KCNMA1: variants seen among roughly 807,000 people sequenced by gnomAD.
KCNMA1 encodes the protein potassium calcium-activated channel subfamily M alpha 1, also known as Calcium-activated potassium channel subunit alpha-1.
KCNMA1 carries 29 observed loss-of-function variants against 140.0 expected under a neutral mutation model. That is an observed-to-expected ratio of 0.21 (90% CI 0.15 to 0.28). The LOEUF is 0.28. Ranked by LOEUF, KCNMA1 falls within the 10% of genes least tolerant of loss-of-function variation. KCNMA1 has a pLI of 1.00. For synonymous variants in KCNMA1, 612 were observed against 611.9 expected, an observed-to-expected ratio of 1.00 and a Z score of 0.00; for missense variants, 880 against 1,602.2, an observed-to-expected ratio of 0.55 and a Z score of 7.70.
At chr10:77,475,377 T>C (rs987161374) in intron 1 of KCNMA1, among the ~76,000 whole-genome samples, 6 of 152,292 alleles carry the variant, frequency 3.9e-5, no homozygotes, top group African/African-American at 7.2e-5. Context: ...GCCACATTAC[T>C]ATACAGTCCT....
intron 1 of KCNMA1, among the ~76,000 whole-genome samples, chr10:77,449,204 T>TA (rs2097582497): frequency 1.3e-5 from 2 of 151,826 alleles, no homozygotes; most frequent in Admixed American, 1.3e-4. Flanking sequence ...TTATATTAAA[T>TA]AAAAAAGCTG....
intron 3 of KCNMA1, among the ~76,000 whole-genome samples, chr10:77,205,662 T>G (rs930421660): frequency 6.6e-6 from 1 of 152,226 alleles, no homozygotes; most frequent in Admixed American, 6.5e-5. Context: ...ATGATGAAGA[T>G]TCCATTAGGA....
intron 1 of KCNMA1, among the ~76,000 whole-genome samples, chr10:77,463,588 T>C (rs2097919460): frequency 6.6e-6 from 1 of 152,168 alleles, no homozygotes; most frequent in South Asian, 2.1e-4. Context: ...AGGTTAGCAC[T>C]CAGGGTGGTT....
chr10:76,979,095 G>T (rs2153224980), intron 19 of KCNMA1, among the ~76,000 whole-genome samples: 1 of 152,252 alleles, frequency 6.6e-6, no homozygotes, highest in Admixed American at 6.5e-5. Context: ...TTTCTCAAAG[G>T]TGTTTGAGGT....
intron 1 of KCNMA1, among the ~76,000 whole-genome samples, chr10:77,416,799 C>T (rs567857656): frequency 1.3e-5 from 2 of 152,322 alleles, no homozygotes; most frequent in Admixed American, 1.3e-4. Flanking sequence ...ACACGGTGAG[C>T]ATTTCACAGT....
intron 2 of KCNMA1, among the ~76,000 whole-genome samples, chr10:77,310,093 G>A (rs370488927): frequency 3.9e-5 from 6 of 152,268 alleles, no homozygotes; most frequent in African/African-American, 1.4e-4. Context: ...AGGCATGGGG[G>A]GACATGAGTG....
rs1462137833 is a variant in KCNMA1, at chr10:76,944,797, C to T, written c.2878G>A (p.Gly960Arg). Reference sequence around the variant, plus strand: ...CCTTGGGAATTAGCCTGCAAGACTCCGATGCTGTCATCAAACTGCATAGAT... The same window carrying T: ...CCTTGGGAATTAGCCTGCAAGACTCTGATGCTGTCATCAAACTGCATAGAT... ...IKSMQFDDSI[G>R]VLQANSQGFT... is the part of the protein sequence containing the mutation. The change falls in exon 23 of 28, where the codon GGA becomes AGA. Residue 960 changes from glycine (G) to arginine (R), a missense_variant. By Grantham distance (125) the Gly-to-Arg change is moderately radical. Coordinates refer to ENST00000286628, the MANE Select transcript of KCNMA1 (RefSeq NM_001161352.2). 2 of 1,614,092 alleles carry T rather than the reference C, an allele frequency of 1.2e-6. No individual in the cohort carries two copies. The highest frequency in any genetic ancestry group is 8.5e-7 in the Non-Finnish European group (1 of 1,180,010).
chr10:77,055,073 A>G (rs1047309673), intron 14 of KCNMA1, among the ~76,000 whole-genome samples: 2 of 152,214 alleles, frequency 1.3e-5, no homozygotes, highest in African/African-American at 2.4e-5. Flanking sequence ...CTGGCTGTAC[A>G]GGGCAAACAT....
intron 1 of KCNMA1, among the ~76,000 whole-genome samples, chr10:77,584,812 G>C (rs1344651817): frequency 6.6e-6 from 1 of 152,202 alleles, no homozygotes; most frequent in Non-Finnish European, 1.5e-5. Context: ...GTCTGACCCA[G>C]TCTTCCAGAC....
chr10:77,327,795 G>A (rs1404187943), intron 2 of KCNMA1, among the ~76,000 whole-genome samples: 4 of 148,970 alleles, frequency 2.7e-5, no homozygotes, highest in South Asian at 2.1e-4. Context: ...AAAAAAAAAA[G>A]TTTCAAGACA....
chr10:77,545,706 C>T (rs1328863633), intron 1 of KCNMA1, among the ~76,000 whole-genome samples: 1 of 152,216 alleles, frequency 6.6e-6, no homozygotes, highest in Non-Finnish European at 1.5e-5. Context: ...AAATATTCTG[C>T]TCCCTTGGTT....
At chr10:77,094,982 G>A (rs753235193) in intron 9 of KCNMA1, among the ~76,000 whole-genome samples, 3 of 152,108 alleles carry the variant, frequency 2.0e-5, no homozygotes, top group Non-Finnish European at 2.9e-5. Flanking sequence ...TTACAGGCAT[G>A]AGCCACCGCG....
chr10:77,126,729 C>CA (rs2097747544), intron 5 of KCNMA1, among the ~76,000 whole-genome samples: 1 of 140,066 alleles, frequency 7.1e-6, no homozygotes, highest in Non-Finnish European at 1.6e-5. Flanking sequence ...CCCCCCACCC[C>CA]CCCCCCACCA....
chr10:77,414,331 G>C (rs1048876869), intron 1 of KCNMA1, among the ~76,000 whole-genome samples: 1 of 152,100 alleles, frequency 6.6e-6, no homozygotes, highest in Non-Finnish European at 1.5e-5. Flanking sequence ...TCAGAGCCAG[G>C]TTCAAAGCTG....
chr10:76,893,171 G>A (rs541328623), intron 25 of KCNMA1, among the ~76,000 whole-genome samples: 14 of 152,152 alleles, frequency 9.2e-5, no homozygotes, highest in South Asian at 6.2e-4. Context: ...TTGTGCCTCC[G>A]TTTCATGATC....
intron 23 of KCNMA1, among the ~76,000 whole-genome samples, chr10:76,934,174 G>A (rs1040939293): frequency 1.3e-5 from 2 of 152,150 alleles, no homozygotes; most frequent in African/African-American, 4.8e-5. Context: ...GTTTCACCAT[G>A]TTAGCCAGGC....
intron 1 of KCNMA1, among the ~76,000 whole-genome samples, chr10:77,625,538 A>C (rs2092371165): frequency 6.6e-6 from 1 of 152,138 alleles, no homozygotes; most frequent in South Asian, 2.1e-4. Flanking sequence ...CTGGCCCTGG[A>C]AACTACCCTT....
chr10:77,284,465 C>T (rs147950864), intron 2 of KCNMA1, among the ~76,000 whole-genome samples: 2 of 152,178 alleles, frequency 1.3e-5, no homozygotes, highest in East Asian at 1.9e-4. Context: ...GACAGGCTTG[C>T]CCTGGTTTTA....
intron 29 of KCNMA1, among the ~76,000 whole-genome samples, chr10:76,879,686 AG>A (rs2033798843): frequency 6.6e-6 from 1 of 152,142 alleles, no homozygotes. Flanking sequence ...TGGTTAAAAA[AG>A]GTTGTATAGA....
Sources: gnomAD v4.1 joint callset for allele counts (sites outside exome capture counted in the v4.1 genomes callset) on GRCh38, gnomAD v4.1.1 for gene constraint, MANE v1.5 for transcripts, NCBI Gene and HGNC (gene_info 2026-07-23, HGNC 2026-07-21) for gene names.